The following LRRTM4 variants were observed in gnomAD, a reference collection of about 807,000 sequenced individuals.
The protein encoded by LRRTM4 is leucine-rich repeat transmembrane neuronal protein 4.
Under a neutral mutation model 47.6 loss-of-function variants are expected in LRRTM4, and 25 were observed. The observed-to-expected ratio is 0.53, with a 90% CI of 0.38 to 0.73. The LOEUF (loss-of-function observed/expected upper bound fraction) is 0.73, where lower values mean the gene tolerates loss of function less well. Ranked by LOEUF, LRRTM4 falls within the 30% of genes least tolerant of loss-of-function variation. The pLI, the probability that LRRTM4 is intolerant of heterozygous loss-of-function variation, is 0.00. For missense variants in LRRTM4, 638 were observed against 713.4 expected (o/e 0.89, Z 1.20); for synonymous variants, 311 against 269.5 (o/e 1.15, Z -1.51).
At chr2:77,175,182 G>T (rs1673160303) in intron 3 of LRRTM4, among the ~76,000 whole-genome samples, 1 of 149,882 alleles carries the variant, frequency 6.7e-6, no homozygotes. Flanking sequence ...CGATTCTCAT[G>T]CCTCAGCCTC....
intron 3 of LRRTM4, among the ~76,000 whole-genome samples, chr2:77,201,614 T>G (rs1354450939): frequency 1.3e-5 from 2 of 152,144 alleles, no homozygotes; most frequent in African/African-American, 4.8e-5. Flanking sequence ...AAGACTATAC[T>G]CAAAAGAAAA....
intron 3 of LRRTM4, among the ~76,000 whole-genome samples, chr2:76,947,321 G>A (rs953536036): frequency 3.0e-4 from 45 of 151,790 alleles, no homozygotes; most frequent in Non-Finnish European, 5.9e-5. Flanking sequence ...TTTAAGATGA[G>A]AGAGTTAAAA....
At position 77,317,869 on chromosome 2, in the gene LRRTM4, A is replaced by G. The variant is rs967404276; in HGVS notation, c.1551+200449T>C. Among the ~76,000 whole-genome samples, 5 of 152,316 alleles carry G rather than the reference A, an allele frequency of 3.3e-5. No homozygotes were observed. In the East Asian group the frequency reaches 9.6e-4, roughly 29 times the overall value. ...TCACATCTAAGAACTATCAAAAAAC[A>G]TGGATTTACTATAGCTCAGTGAGAA... On this transcript the variant is annotated intron_variant, in intron 3 of 3. Coordinates refer to ENST00000409884, the MANE Select transcript of LRRTM4 (RefSeq NM_001134745.3).
intron 3 of LRRTM4, among the ~76,000 whole-genome samples, chr2:76,922,312 C>T (rs143763869): frequency 4.4e-4 from 67 of 152,164 alleles, no homozygotes; most frequent in African/African-American, 1.6e-3. Context: ...AGGAAGCTTA[C>T]AATCATGGCA....
chr2:77,298,347 C>CT (rs1206159295), intron 3 of LRRTM4, among the ~76,000 whole-genome samples: 6 of 152,148 alleles, frequency 3.9e-5, no homozygotes, highest in Non-Finnish European at 7.3e-5. Context: ...CGCCATTCTC[C>CT]TGCCTCAGCC....
intron 3 of LRRTM4, among the ~76,000 whole-genome samples, chr2:77,141,379 C>A (rs896809342): frequency 6.6e-6 from 1 of 151,346 alleles, no homozygotes; most frequent in Non-Finnish European, 1.5e-5. Flanking sequence ...GGACAAAAAA[C>A]CAAACACTGC....
intron 3 of LRRTM4, among the ~76,000 whole-genome samples, chr2:77,213,973 A>G (rs1674366862): frequency 6.6e-6 from 1 of 152,102 alleles, no homozygotes; most frequent in African/African-American, 2.4e-5. Context: ...ACAAAAGAAA[A>G]AAAAAACACT....
At chr2:76,763,086 A>G (rs1235235939) in intron 3 of LRRTM4, among the ~76,000 whole-genome samples, 2 of 152,184 alleles carry the variant, frequency 1.3e-5, no homozygotes, top group East Asian at 3.9e-4. Flanking sequence ...GGAGGTAGGA[A>G]GTGATGAAAA....
intron 3 of LRRTM4, among the ~76,000 whole-genome samples, chr2:76,941,668 T>C (rs1055157328): frequency 1.3e-5 from 2 of 152,220 alleles, no homozygotes; most frequent in Non-Finnish European, 1.5e-5. Flanking sequence ...CTGCATAGTA[T>C]TCCATGGTGT....
chr2:77,044,133 C>A (rs1219569701), intron 3 of LRRTM4, among the ~76,000 whole-genome samples: 5 of 151,746 alleles, frequency 3.3e-5, no homozygotes, highest in Non-Finnish European at 5.9e-5. Flanking sequence ...ATTTAAATGA[C>A]TGCTCTTGGT....
intron 3 of LRRTM4, among the ~76,000 whole-genome samples, chr2:77,181,289 A>G (rs1247643570): frequency 1.3e-5 from 2 of 152,118 alleles, no homozygotes. Flanking sequence ...TTCATGTCTG[A>G]GGGTGAAGTA....
chr2:77,104,819 C>T (rs907612974), intron 3 of LRRTM4, among the ~76,000 whole-genome samples: 1 of 152,152 alleles, frequency 6.6e-6, no homozygotes, highest in Non-Finnish European at 1.5e-5. Flanking sequence ...TCATTGTTCA[C>T]TTCAGGGCAA....
chr2:77,140,205 T>A (rs878883888), intron 3 of LRRTM4, among the ~76,000 whole-genome samples: 1 of 152,104 alleles, frequency 6.6e-6, no homozygotes, highest in African/African-American at 2.4e-5. Flanking sequence ...GGAGGCATCA[T>A]GCTACCTGAC....
At chr2:76,913,086 A>G (rs1401129157) in intron 3 of LRRTM4, among the ~76,000 whole-genome samples, 2 of 152,206 alleles carry the variant, frequency 1.3e-5, no homozygotes, top group East Asian at 3.8e-4. Context: ...GCAAATGAAA[A>G]ATCTTATAAT....
chr2:77,355,328 TTGGAC>T (rs1671928778), intron 3 of LRRTM4, among the ~76,000 whole-genome samples: 1 of 152,142 alleles, frequency 6.6e-6, no homozygotes, highest in Non-Finnish European at 1.5e-5. Context: ...ATAACTTAAA[TTGGAC>T]AATAGAGAGT....
At chr2:77,490,529 C>G (rs922939254) in intron 3 of LRRTM4, among the ~76,000 whole-genome samples, 3 of 151,638 alleles carry the variant, frequency 2.0e-5, no homozygotes, top group Non-Finnish European at 4.4e-5. Context: ...GTGCAATCCA[C>G]AAAAGAAAAA....
intron 3 of LRRTM4, among the ~76,000 whole-genome samples, chr2:77,124,657 A>C (rs1269066399): frequency 1.3e-5 from 2 of 152,140 alleles, no homozygotes; most frequent in African/African-American, 4.8e-5. Flanking sequence ...AGTCATTCTC[A>C]ATATTTCCAG....
intron 3 of LRRTM4, among the ~76,000 whole-genome samples, chr2:76,804,710 A>G (rs1416826563): frequency 1.4e-5 from 2 of 148,032 alleles, no homozygotes; most frequent in Non-Finnish European, 3.0e-5. Context: ...ACATTGATGT[A>G]TATATAAAAC....
chr2:76,952,921 T>C (rs1241653779), intron 3 of LRRTM4, among the ~76,000 whole-genome samples: 1 of 151,828 alleles, frequency 6.6e-6, no homozygotes, highest in Admixed American at 6.6e-5. Flanking sequence ...CCTGAATATA[T>C]TAATGCAGGA....
Sources: allele counts gnomAD v4.1 joint callset (sites outside exome capture counted in the v4.1 genomes callset), GRCh38; gene constraint gnomAD v4.1.1; transcripts MANE v1.5; gene names NCBI Gene and HGNC (gene_info 2026-07-23, HGNC 2026-07-21).